SLC25A21: variants seen among roughly 807,000 people sequenced by gnomAD.
The protein encoded by SLC25A21 is solute carrier family 25 member 21, also known as mitochondrial 2-oxodicarboxylate carrier.
A neutral mutation model predicts 43.8 loss-of-function variants in SLC25A21; 47 were observed. The observed-to-expected ratio is 1.07, with a 90% CI of 0.85 to 1.37. The LOEUF is 1.37. Among genes scored for constraint, SLC25A21 ranks in the 40% most tolerant of loss-of-function variants. The probability of loss-of-function intolerance (pLI) is 0.00; values close to 1 mark genes in which losing one functional copy is unlikely to be tolerated. For synonymous variants in SLC25A21, 131 were observed against 121.3 expected, an observed-to-expected ratio of 1.08 and a Z score of -0.52; for missense variants, 352 against 350.2, an observed-to-expected ratio of 1.00 and a Z score of -0.04.
At chr14:36,921,916 G>A (rs1891989880) in intron 1 of SLC25A21, among the ~76,000 whole-genome samples, 3 of 151,860 alleles carry the variant, frequency 2.0e-5, no homozygotes, top group Admixed American at 6.6e-5. Flanking sequence ...AGGCCAAGAT[G>A]AGTGAAACAC....
intron 1 of SLC25A21, among the ~76,000 whole-genome samples, chr14:37,095,275 T>A (rs565751522): frequency 1.3e-5 from 2 of 152,132 alleles, no homozygotes; most frequent in Non-Finnish European, 2.9e-5. Context: ...CCTGGCACGG[T>A]GGGAGGCCAA....
chr14:36,748,822 T>C (rs1885596927), intron 3 of SLC25A21, among the ~76,000 whole-genome samples: 2 of 152,184 alleles, frequency 1.3e-5, no homozygotes, highest in South Asian at 4.1e-4. Context: ...ACAGGCATCT[T>C]GTAATTAGCA....
At chr14:36,751,155 T>C (rs1333714509) in intron 3 of SLC25A21, among the ~76,000 whole-genome samples, 2 of 152,214 alleles carry the variant, frequency 1.3e-5, no homozygotes, top group Non-Finnish European at 2.9e-5. Context: ...TCATTACACC[T>C]CTGTCTATCA....
chr14:36,922,696 C>T (rs2138626383), intron 1 of SLC25A21, among the ~76,000 whole-genome samples: 1 of 152,134 alleles, frequency 6.6e-6, no homozygotes, highest in African/African-American at 2.4e-5. Flanking sequence ...GTAGGGAGAC[C>T]TCATGGAAAA....
intron 3 of SLC25A21, among the ~76,000 whole-genome samples, chr14:36,770,613 T>C (rs779393120): frequency 3.3e-5 from 5 of 152,176 alleles, no homozygotes; most frequent in Non-Finnish European, 7.3e-5. Flanking sequence ...ACAGCATTTG[T>C]TGTTGATTAC....
chr14:36,938,164 A>G (rs1892471292), intron 1 of SLC25A21, among the ~76,000 whole-genome samples: 1 of 152,124 alleles, frequency 6.6e-6, no homozygotes, highest in African/African-American at 2.4e-5. Flanking sequence ...TAAGCTACAT[A>G]TAGAGCCCTA....
At chr14:36,953,598 G>T (rs531534888) in intron 1 of SLC25A21, among the ~76,000 whole-genome samples, 9 of 152,192 alleles carry the variant, frequency 5.9e-5, no homozygotes, top group Non-Finnish European at 1.2e-4. Flanking sequence ...ATTTCATATC[G>T]CAAACAAATG....
At chr14:36,966,653 G>A (rs566040274) in intron 1 of SLC25A21, among the ~76,000 whole-genome samples, 30 of 152,132 alleles carry the variant, frequency 2.0e-4, no homozygotes, top group Non-Finnish European at 3.2e-4. Context: ...CATTCCCATC[G>A]AATAACAACT....
chr14:37,158,619 G>C (rs1423953439), intron 1 of SLC25A21, among the ~76,000 whole-genome samples: 1 of 152,100 alleles, frequency 6.6e-6, no homozygotes, highest in East Asian at 1.9e-4. Context: ...CTCATAGCTA[G>C]TATCATACTG....
intron 1 of SLC25A21, among the ~76,000 whole-genome samples, chr14:36,906,115 C>T (rs1171160038): frequency 1.3e-5 from 2 of 152,032 alleles, no homozygotes; most frequent in Non-Finnish European, 2.9e-5. Flanking sequence ...TACTTATTCT[C>T]CTATGATTTG....
intron 3 of SLC25A21, among the ~76,000 whole-genome samples, chr14:36,798,433 T>C (rs1446455617): frequency 6.6e-6 from 1 of 152,182 alleles, no homozygotes; most frequent in East Asian, 1.9e-4. Context: ...CTAACATTTT[T>C]GCAGTTGCTT....
chr14:36,825,419 C>G (rs1467010529), intron 2 of SLC25A21, among the ~76,000 whole-genome samples: 1 of 152,182 alleles, frequency 6.6e-6, no homozygotes, highest in Non-Finnish European at 1.5e-5. Context: ...AGAATACTGG[C>G]AACAGAAGAG....
intron 1 of SLC25A21, among the ~76,000 whole-genome samples, chr14:37,128,416 T>C (rs1400569299): frequency 6.6e-6 from 1 of 152,170 alleles, no homozygotes; most frequent in East Asian, 1.9e-4. Flanking sequence ...ATAAGCTACA[T>C]TAAATTGTGT....
intron 1 of SLC25A21, among the ~76,000 whole-genome samples, chr14:37,157,133 G>A (rs1035151583): frequency 6.6e-6 from 1 of 152,156 alleles, no homozygotes; most frequent in Non-Finnish European, 1.5e-5. Context: ...AAGGCAGGTG[G>A]ATTGCTTGGG....
chr14:36,763,274 C>A (rs1294675063), intron 3 of SLC25A21, among the ~76,000 whole-genome samples: 1 of 152,174 alleles, frequency 6.6e-6, no homozygotes, highest in Admixed American at 6.5e-5. Flanking sequence ...TAAGAACATT[C>A]ATTTGTCTAT....
intron 1 of SLC25A21, among the ~76,000 whole-genome samples, chr14:37,087,135 G>T (rs529854461): frequency 6.6e-6 from 1 of 152,188 alleles, no homozygotes; most frequent in Non-Finnish European, 1.5e-5. Context: ...TTTTTTAATG[G>T]CCCTTTTGAT....
At chr14:36,798,167 G>A (rs1179061588) in intron 3 of SLC25A21, among the ~76,000 whole-genome samples, 2 of 152,214 alleles carry the variant, frequency 1.3e-5, no homozygotes, top group Non-Finnish European at 1.5e-5. Flanking sequence ...TCCTATTCAG[G>A]TAAGCCAGAC....
intron 1 of SLC25A21, among the ~76,000 whole-genome samples, chr14:36,995,115 G>T (rs72667354): frequency 6.6e-6 from 1 of 151,976 alleles, no homozygotes; most frequent in Admixed American, 6.6e-5. Context: ...ATGATGTCTC[G>T]TTATACCTCT....
intron 1 of SLC25A21, among the ~76,000 whole-genome samples, chr14:37,161,419 C>G (rs909419308): frequency 2.0e-5 from 3 of 152,122 alleles, no homozygotes; most frequent in Non-Finnish European, 2.9e-5. Context: ...AGGACCATAG[C>G]TTGAGATATG....
Sources: allele counts gnomAD v4.1 joint callset (sites outside exome capture counted in the v4.1 genomes callset), GRCh38; gene constraint gnomAD v4.1.1; transcripts MANE v1.5; gene names NCBI Gene and HGNC (gene_info 2026-07-23, HGNC 2026-07-21).